The following RBMS3 variants were observed in gnomAD, a reference collection of about 807,000 sequenced individuals.
The protein encoded by RBMS3 is RNA-binding motif, single-stranded-interacting protein 3.
Under a neutral mutation model 66.8 loss-of-function variants are expected in RBMS3, and 27 were observed. The observed-to-expected ratio is 0.40, with a 90% CI of 0.30 to 0.56. The LOEUF is 0.56. Among genes scored for constraint, RBMS3 ranks in the 20% least tolerant of loss-of-function variants. The pLI is 0.40. For missense variants in RBMS3, 513 were observed against 549.5 expected (o/e 0.93, Z 0.66); for synonymous variants, 188 against 183.0 (o/e 1.03, Z -0.22).
intron 1 of RBMS3, among the ~76,000 whole-genome samples, chr3:29,295,471 C>A (rs747715296): frequency 6.7e-6 from 1 of 150,028 alleles, no homozygotes; most frequent in Non-Finnish European, 1.5e-5. Context: ...CAAGATACAG[C>A]GGGAAAATGT....
chr3:29,655,030 G>A (rs552951153), intron 4 of RBMS3, among the ~76,000 whole-genome samples: 44 of 152,180 alleles, frequency 2.9e-4, no homozygotes, highest in African/African-American at 1.0e-3. Context: ...TTTAACTGAT[G>A]CCCTTTTGTT....
intron 6 of RBMS3, among the ~76,000 whole-genome samples, chr3:29,847,773 A>G (rs911662215): frequency 1.3e-5 from 2 of 151,876 alleles, no homozygotes; most frequent in Non-Finnish European, 2.9e-5. Context: ...CTCCTGCCTC[A>G]GCCTCCCAAG....
chr3:29,376,002 G>A (rs929269437), intron 1 of RBMS3, among the ~76,000 whole-genome samples: 1 of 152,114 alleles, frequency 6.6e-6, no homozygotes, highest in Non-Finnish European at 1.5e-5. Context: ...TATACAATAT[G>A]GAATACTATG....
At chr3:29,720,571 C>T (rs1252490268) in intron 4 of RBMS3, among the ~76,000 whole-genome samples, 1 of 151,846 alleles carries the variant, frequency 6.6e-6, no homozygotes, top group Non-Finnish European at 1.5e-5. Flanking sequence ...ATGTTAAATG[C>T]TTTTGGATTT....
intron 6 of RBMS3, among the ~76,000 whole-genome samples, chr3:29,785,469 C>T (rs533983261): frequency 6.6e-6 from 1 of 152,052 alleles, no homozygotes; most frequent in East Asian, 1.9e-4. Flanking sequence ...CAAGAGCCCA[C>T]TAGCCAAAGC....
At chr3:29,458,618 A>G (rs1282574752) in intron 2 of RBMS3, among the ~76,000 whole-genome samples, 1 of 152,112 alleles carries the variant, frequency 6.6e-6, no homozygotes, top group Non-Finnish European at 1.5e-5. Context: ...TTATTGTTGT[A>G]TTGTTATTTT....
intron 14 of RBMS3, among the ~76,000 whole-genome samples, chr3:29,998,832 G>A (rs930942133): frequency 3.3e-5 from 5 of 151,992 alleles, no homozygotes; most frequent in African/African-American, 1.2e-4. Flanking sequence ...AGAAAACCTG[G>A]GCAATACCAT....
At chr3:29,468,693 A>G (rs1384078717) in intron 2 of RBMS3, among the ~76,000 whole-genome samples, 2 of 152,156 alleles carry the variant, frequency 1.3e-5, no homozygotes, top group African/African-American at 2.4e-5. Context: ...TTTATTTCAC[A>G]TAAAATTGGC....
chr3:29,997,331 C>G (rs1231955838), intron 14 of RBMS3, among the ~76,000 whole-genome samples: 2 of 150,926 alleles, frequency 1.3e-5, no homozygotes, highest in Non-Finnish European at 2.9e-5. Context: ...CCGAATTCTA[C>G]CAGAGGTACA....
intron 6 of RBMS3, among the ~76,000 whole-genome samples, chr3:29,794,055 G>C (rs1379302739): frequency 2.0e-5 from 3 of 152,164 alleles, no homozygotes; most frequent in Non-Finnish European, 2.9e-5. Flanking sequence ...TGCCATGATT[G>C]TAAGTTTCCT....
intron 1 of RBMS3, among the ~76,000 whole-genome samples, chr3:29,347,558 A>G (rs2036651974): frequency 6.6e-6 from 1 of 152,170 alleles, no homozygotes; most frequent in South Asian, 2.1e-4. Context: ...AAAATGGTCT[A>G]TTGGGAAGAA....
Position 29,302,156 on chromosome 3 carries a change from C to T in RBMS3, c.75+20400C>T, listed in dbSNP as rs2125447804. Among the ~76,000 whole-genome samples, 2 of 151,980 alleles carry T rather than the reference C, an allele frequency of 1.3e-5. 1 individual carries two copies. The highest frequency in any genetic ancestry group is 4.2e-4 in the South Asian group (2 of 4,818). On this transcript the variant is annotated intron_variant, in intron 1 of 14. Transcript: ENST00000383767. ...TCCCGAATAGCTGGGACTACAGGTG[C>T]ATGCCACCACATTCATCCAATTTTT...
At chr3:29,666,882 G>A (rs1171768837) in intron 4 of RBMS3, among the ~76,000 whole-genome samples, 1 of 152,052 alleles carries the variant, frequency 6.6e-6, no homozygotes, top group Non-Finnish European at 1.5e-5. Flanking sequence ...TGTTAGCTTT[G>A]AAGTTCAATC....
intron 6 of RBMS3, among the ~76,000 whole-genome samples, chr3:29,796,712 CTTTTT>C (rs71295051): frequency 8.7e-6 from 1 of 115,282 alleles, no homozygotes. Flanking sequence ...TGAAAGGAAT[CTTTTT>C]TTTTTTTTTT....
chr3:29,711,276 A>G (rs911980558), intron 4 of RBMS3, among the ~76,000 whole-genome samples: 9 of 152,198 alleles, frequency 5.9e-5, no homozygotes, highest in Admixed American at 2.0e-4. Flanking sequence ...GTGAAATCAC[A>G]GATAAGAGGA....
At chr3:29,552,989 A>T (rs1019632162) in intron 3 of RBMS3, among the ~76,000 whole-genome samples, 1 of 152,036 alleles carries the variant, frequency 6.6e-6, no homozygotes, top group African/African-American at 2.4e-5. Context: ...TTAACTTACT[A>T]CTCTAATCTC....
chr3:29,334,928 C>A (rs1274112073), intron 1 of RBMS3, among the ~76,000 whole-genome samples: 1 of 152,078 alleles, frequency 6.6e-6, no homozygotes, highest in African/African-American at 2.4e-5. Context: ...GCTGTACTAG[C>A]GTTTGGAATC....
chr3:29,332,063 A>G (rs2035696068), intron 1 of RBMS3, among the ~76,000 whole-genome samples: 1 of 151,950 alleles, frequency 6.6e-6, no homozygotes, highest in Non-Finnish European at 1.5e-5. Flanking sequence ...GCTGCCTTCT[A>G]CTGATGAAAG....
intron 1 of RBMS3, among the ~76,000 whole-genome samples, chr3:29,314,333 A>G (rs947434231): frequency 6.6e-6 from 1 of 151,694 alleles, no homozygotes; most frequent in African/African-American, 2.4e-5. Flanking sequence ...ATGGGATTGA[A>G]TATTTTAGAT....
Sources: allele counts gnomAD v4.1 joint callset (sites outside exome capture counted in the v4.1 genomes callset), GRCh38; gene constraint gnomAD v4.1.1; transcripts MANE v1.5; gene names NCBI Gene and HGNC (gene_info 2026-07-23, HGNC 2026-07-21).